The following GLDC variants were observed in gnomAD, a reference collection of about 807,000 sequenced individuals.
The protein encoded by GLDC is glycine dehydrogenase (decarboxylating), mitochondrial.
Under a neutral mutation model 121.3 loss-of-function variants are expected in GLDC, and 104 were observed. That is an observed-to-expected ratio of 0.86 (90% CI 0.73 to 1.01). The LOEUF (loss-of-function observed/expected upper bound fraction) is 1.01. Among genes scored for constraint, GLDC ranks in the 50% least tolerant of loss-of-function variants. The probability of loss-of-function intolerance (pLI) is 0.00; values close to 1 mark genes in which losing one functional copy is unlikely to be tolerated. For missense variants in GLDC, 1,429 were observed against 1,306.6 expected, an observed-to-expected ratio of 1.09 and a Z score of -1.44; for synonymous variants, 546 against 480.6, an observed-to-expected ratio of 1.14 and a Z score of -1.78.
chr9:6,586,835 C>A (rs756083469), intron 15 of GLDC, among the ~76,000 whole-genome samples: 1 of 152,174 alleles, frequency 6.6e-6, no homozygotes, highest in East Asian at 1.9e-4. Context: ...TGGGAACACG[C>A]ATTCTGAACC....
chr9:6,559,686 A>G (rs1817710708), intron 16 of GLDC, among the ~76,000 whole-genome samples: 1 of 150,822 alleles, frequency 6.6e-6, no homozygotes, highest in South Asian at 2.1e-4. Context: ...GTGGTGACGC[A>G]CGCCTGTAGT....
intron 21 of GLDC, chr9:6,540,605 T>C (rs1409430753): frequency 1.5e-4 from 30 of 200,990 alleles, no homozygotes. Flanking sequence ...TTTGCGTATA[T>C]ATAGGTATGG....
At chr9:6,581,107 AGG>A (rs1818162709) in intron 15 of GLDC, among the ~76,000 whole-genome samples, 1 of 152,206 alleles carries the variant, frequency 6.6e-6, no homozygotes, top group Non-Finnish European at 1.5e-5. Flanking sequence ...TCAAGTATTG[AGG>A]GGTTAAGGCC....
intron 2 of GLDC, among the ~76,000 whole-genome samples, chr9:6,627,754 G>A (rs1819276977): frequency 6.6e-6 from 1 of 152,156 alleles, no homozygotes; most frequent in Non-Finnish European, 1.5e-5. Flanking sequence ...GGGGTAAGCT[G>A]CTTCTTACTG....
chr9:6,641,854 G>GCAAA (rs1488935341), intron 2 of GLDC, among the ~76,000 whole-genome samples: 5 of 152,096 alleles, frequency 3.3e-5, no homozygotes, highest in Non-Finnish European at 5.9e-5. Flanking sequence ...TCTGTACATG[G>GCAAA]CAAATAAATA....
chr9:6,555,198 T>G (rs762753113), intron 18 of GLDC, among the ~76,000 whole-genome samples: 3 of 152,144 alleles, frequency 2.0e-5, no homozygotes, highest in Non-Finnish European at 4.4e-5. Flanking sequence ...TGATGCACGT[T>G]ACCGAACGGC....
chr9:6,623,981 G>C (rs1819177795), intron 2 of GLDC, among the ~76,000 whole-genome samples: 1 of 152,204 alleles, frequency 6.6e-6, no homozygotes, highest in African/African-American at 2.4e-5. Context: ...TTCTGCGTTG[G>C]TCCAGCTCTC....
intron 17 of GLDC, 154 bp downstream of exon 17, chr9:6,558,405 G>C (rs1016470212): frequency 3.8e-5 from 32 of 834,742 alleles, no homozygotes; most frequent in Non-Finnish European, 5.9e-5. Flanking sequence ...CCCTGTTGGT[G>C]ATGGGAGGGG....
At chr9:6,625,976 C>T (rs1005652766) in intron 2 of GLDC, among the ~76,000 whole-genome samples, 3 of 152,076 alleles carry the variant, frequency 2.0e-5, no homozygotes, top group Admixed American at 2.0e-4. Flanking sequence ...GAGAAGAATC[C>T]TGAACTAAAT....
At chr9:6,620,721 G>A (rs1819075109) in intron 2 of GLDC, among the ~76,000 whole-genome samples, 2 of 152,116 alleles carry the variant, frequency 1.3e-5, no homozygotes, top group Admixed American at 1.3e-4. Flanking sequence ...CATACTCTCT[G>A]GAAGTAGGCA....
rs763577851 is a variant in GLDC, at chr9:6,588,710, C to T, written c.1581-8G>A. The T allele has an allele frequency of 1.3e-6, 2 of 1,599,908 alleles. No homozygotes were observed. The highest frequency in any genetic ancestry group is 3.3e-5 in the Admixed American group (2 of 59,980). On this transcript the variant is annotated splice_region_variant and splice_polypyrimidine_tract_variant and intron_variant, in intron 12 of 24. Coordinates refer to ENST00000321612, the MANE Select transcript of GLDC (RefSeq NM_000170.3). The stretch of plus-strand genomic sequence containing the variant: ...TTTGTTTCAGAGTGGTAGCTGTGAA[C>T]ACAAAACACAGAATTAGGGGCCCCA...
At position 6,644,665 on chromosome 9, in the gene GLDC, C is replaced by A. The variant is rs749710107; in HGVS notation, c.283G>T (p.Val95Phe). 1 of 1,613,170 alleles carries A rather than the reference C, an allele frequency of 6.2e-7. No homozygotes were observed. Among genetic ancestry groups the A allele is most frequent in the African/African-American group, 1.3e-5 (1 of 74,884 alleles). Reference sequence around the variant, plus strand: ...CTTTTCAAACGGATGTTGGCAGGGACCGTCTTCTCGATCAATTCATCAATG... The same window carrying A: ...CTTTTCAAACGGATGTTGGCAGGGAACGTCTTCTCGATCAATTCATCAATG... Reference protein sequence around the residue: ...ASIDELIEKTVPANIRLKRPL... With the variant: ...ASIDELIEKTFPANIRLKRPL... Residue 95 changes from valine (V) to phenylalanine (F), a missense_variant, in exon 2 of 25, where the codon GTC becomes TTC. By Grantham distance (50) the Val-to-Phe change is conservative. Coordinates refer to ENST00000321612, the MANE Select transcript of GLDC (RefSeq NM_000170.3).
chr9:6,535,648 T>C (rs1429144481), intron 23 of GLDC, among the ~76,000 whole-genome samples: 2 of 152,108 alleles, frequency 1.3e-5, no homozygotes, highest in African/African-American at 4.8e-5. Context: ...AACCAACTTT[T>C]CCCCAACATG....
chr9:6,628,632 G>A (rs1218548616), intron 2 of GLDC, among the ~76,000 whole-genome samples: 3 of 152,170 alleles, frequency 2.0e-5, no homozygotes, highest in African/African-American at 4.8e-5. Flanking sequence ...CAAAAAAAAA[G>A]TCAAAGAATG....
At chr9:6,618,954 C>G (rs1049197426) in intron 3 of GLDC, among the ~76,000 whole-genome samples, 1 of 151,668 alleles carries the variant, frequency 6.6e-6, no homozygotes, top group Non-Finnish European at 1.5e-5. Context: ...CCAGCCTGGC[C>G]AAGATGGTGA....
chr9:6,619,838 C>G (rs1176329154), intron 3 of GLDC, among the ~76,000 whole-genome samples: 1 of 152,134 alleles, frequency 6.6e-6, no homozygotes, highest in Non-Finnish European at 1.5e-5. Context: ...GTCCCAGGGT[C>G]TCCAAGGAGG....
intron 2 of GLDC, among the ~76,000 whole-genome samples, chr9:6,629,953 ATATAT>A (rs1563870204): frequency 4.3e-4 from 31 of 71,682 alleles, no homozygotes; most frequent in East Asian, 1.5e-3. Flanking sequence ...ATGTATATAT[ATATAT>A]TTTTTTTTTT....
Position 6,532,537 on chromosome 9 carries a change from A to G in GLDC, c.*480T>C, listed in dbSNP as rs1259087489. 6.4e-6 allele frequency: 1 copy of G among 157,418 alleles called. No individual in the cohort carries two copies. The allele number at this position is 157,418 out of a possible 1,614,324, so 9.8% of individuals were successfully genotyped here. ...AAAAAAAAAAAACCTCACACAGAAA[A>G]AGAGGAGAACACTCAGAAATGTGAT... On this transcript the variant is annotated 3_prime_UTR_variant, in exon 25 of 25. Coordinates refer to ENST00000321612, the MANE Select transcript of GLDC (RefSeq NM_000170.3).
chr9:6,533,462 T>C (rs1424715398), intron 24 of GLDC, among the ~76,000 whole-genome samples: 2 of 152,242 alleles, frequency 1.3e-5, no homozygotes, highest in Non-Finnish European at 2.9e-5. Context: ...TATGTTTATC[T>C]GCCCATTATA....
Sources: gnomAD v4.1 joint callset for allele counts (sites outside exome capture counted in the v4.1 genomes callset) on GRCh38, gnomAD v4.1.1 for gene constraint, MANE v1.5 for transcripts, NCBI Gene and HGNC (gene_info 2026-07-23, HGNC 2026-07-21) for gene names.